The following THOC1 variants were observed in gnomAD, a reference collection of about 807,000 sequenced individuals.
THOC1 encodes THO complex subunit 1.
THOC1 carries 29 observed loss-of-function variants against 97.3 expected under a neutral mutation model. The ratio of observed to expected loss-of-function variants is 0.30; its 90% CI spans 0.22 to 0.41. THOC1 has a LOEUF of 0.41. THOC1 is among the 10% of genes least tolerant of loss of function. THOC1 has a pLI of 1.00. For synonymous variants in THOC1, 255 were observed against 257.0 expected (o/e 0.99, Z 0.07); for missense variants, 529 against 761.9 (o/e 0.69, Z 3.60).
intron 11 of THOC1, among the ~76,000 whole-genome samples, chr18:232,385 C>T (rs1783535095): frequency 2.0e-5 from 3 of 152,042 alleles, no homozygotes; most frequent in Admixed American, 6.6e-5. Context: ...GCCACTGCAC[C>T]TGGCCCAATA....
At chr18:235,356 G>A (rs1911643474) in intron 11 of THOC1, among the ~76,000 whole-genome samples, 1 of 151,942 alleles carries the variant, frequency 6.6e-6, no homozygotes, top group Non-Finnish European at 1.5e-5. Context: ...TCACTAAGTT[G>A]TGCTATTATT....
At chr18:248,286 A>G (rs1288217974) in intron 9 of THOC1, among the ~76,000 whole-genome samples, 2 of 152,206 alleles carry the variant, frequency 1.3e-5, no homozygotes, top group Non-Finnish European at 2.9e-5. Flanking sequence ...AGCGGAAGTC[A>G]TATGTGCAAC....
chr18:253,641 T>G (rs1912348895), intron 8 of THOC1, among the ~76,000 whole-genome samples: 1 of 152,146 alleles, frequency 6.6e-6, no homozygotes, highest in Admixed American at 6.5e-5. Flanking sequence ...TAACCCAATG[T>G]TTAAAACAGA....
chr18:236,541 T>C (rs1038018332), intron 11 of THOC1, among the ~76,000 whole-genome samples: 4 of 151,810 alleles, frequency 2.6e-5, no homozygotes, highest in Middle Eastern at 3.4e-3. Flanking sequence ...TTTTTTGTAT[T>C]TTTAGTAGAG....
chr18:267,014 T>C (rs555016582), intron 1 of THOC1, among the ~76,000 whole-genome samples: 1,865 of 69,700 alleles, frequency 0.027, 40 homozygotes, highest in African/African-American at 0.079. Context: ...TATACGTATA[T>C]ATATGTATAT....
chr18:255,398 CA>C (rs1912405827), intron 7 of THOC1, among the ~76,000 whole-genome samples: 1 of 152,244 alleles, frequency 6.6e-6, no homozygotes, highest in East Asian at 1.9e-4. Context: ...GATAAGAAAG[CA>C]AAACAGCCTT....
At chr18:233,632 A>G (rs979518635) in intron 11 of THOC1, among the ~76,000 whole-genome samples, 1 of 152,186 alleles carries the variant, frequency 6.6e-6, no homozygotes, top group African/African-American at 2.4e-5. Context: ...ACTAGTTTAT[A>G]ATGCAATCTT....
chr18:242,392 C>G lies in THOC1; in HGVS notation c.918+3932G>C, dbSNP rs1378483601. 6.6e-6 allele frequency among the ~76,000 whole-genome samples: 1 copy of G among 151,092 alleles called. No individual in the cohort carries two copies. ...ACTTGGGAGGCTGAGGCACGAGAAT[C>G]GCTTGAACCCAGGAGGTGGAAGTTA... On this transcript the variant is annotated intron_variant, in intron 11 of 20. Coordinates refer to ENST00000261600, the MANE Select transcript of THOC1 (RefSeq NM_005131.3). The surrounding 1 kb of genome is among the most constrained non-coding windows in gnomAD (Gnocchi z 4.5).
chr18:246,647 T>C (rs1912098588), intron 10 of THOC1, among the ~76,000 whole-genome samples, 192 bp from the exon 11 acceptor site: 2 of 152,114 alleles, frequency 1.3e-5, no homozygotes, highest in Non-Finnish European at 2.9e-5. Context: ...TTTCACTTGT[T>C]GCAAAAGTAG....
chr18:220,079 T>C (rs1598286880), intron 17 of THOC1, among the ~76,000 whole-genome samples: 1 of 152,210 alleles, frequency 6.6e-6, no homozygotes, highest in Non-Finnish European at 1.5e-5. Flanking sequence ...CATTTTCTAA[T>C]GCTACAGATA....
rs754814035 is a variant in THOC1 at position 214,889 on chromosome 18, C to G, written c.1711G>C (p.Gly571Arg). 2.5e-6 allele frequency: 4 copies of G among 1,613,914 alleles called. No individual in the cohort carries two copies. In the South Asian group the frequency reaches 4.4e-5, roughly 18 times the overall value. The change falls in exon 21 of 21, where the codon GGA becomes CGA. Residue 571 changes from glycine to arginine, a missense_variant. By Grantham distance (125) the Gly-to-Arg change is moderately radical (BLOSUM62 -2). This residue lies in a region of THOC1 where 98 missense variants were observed against 111.9 expected (regional missense o/e 0.88). Transcript: ENST00000261600. ...TTGGCAAATACCTCTATTTGTTCTC[C>G]TGTTACAGGTTTGTCTCGCCGAACA... ...PDVRRDKPVT[G>R]EQIEVFANKL...
At chr18:264,685 T>C (rs911823860) in intron 3 of THOC1, among the ~76,000 whole-genome samples, 5 of 152,236 alleles carry the variant, frequency 3.3e-5, no homozygotes, top group African/African-American at 4.8e-5. Flanking sequence ...AAGAATCATT[T>C]TTTAATCAGA....
intron 17 of THOC1, among the ~76,000 whole-genome samples, chr18:221,888 A>G (rs138532724): frequency 2.9e-3 from 445 of 152,254 alleles, no homozygotes; most frequent in South Asian, 7.3e-3. Flanking sequence ...GATTACAGGT[A>G]TGAGCCACCG....
intron 10 of THOC1, among the ~76,000 whole-genome samples, chr18:246,929 A>AG (rs1912113573): frequency 6.6e-6 from 1 of 151,980 alleles, no homozygotes; most frequent in African/African-American, 2.4e-5. Flanking sequence ...AAAAAAAAAA[A>AG]AAAAAAACGA....
At chr18:247,210 AAC>A (rs1567852703) in intron 10 of THOC1, among the ~76,000 whole-genome samples, 2 of 152,246 alleles carry the variant, frequency 1.3e-5, no homozygotes, top group African/African-American at 4.8e-5. Flanking sequence ...AAAATAACAT[AAC>A]ACACACCATG....
At chr18:262,211 C>T (rs955485211) in intron 4 of THOC1, among the ~76,000 whole-genome samples, 1 of 152,222 alleles carries the variant, frequency 6.6e-6, no homozygotes, top group Non-Finnish European at 1.5e-5. Flanking sequence ...TTGAAGCACA[C>T]TCTACATAAA....
intron 17 of THOC1, among the ~76,000 whole-genome samples, chr18:220,095 T>C (rs1911026091): frequency 6.6e-6 from 1 of 152,162 alleles, no homozygotes; most frequent in African/African-American, 2.4e-5. Context: ...AGATACTATA[T>C]TCCATTTTAT....
chr18:219,024 C>T, intron 17 of THOC1, 55 bp from the exon 18 acceptor site: 8 of 618,514 alleles, frequency 1.3e-5, no homozygotes, highest in Non-Finnish European at 1.7e-5. Context: ...ATAATAAATA[C>T]TCATGAAGTG....
In THOC1 at chr18:242,648, T is replaced by C. The variant is rs150451848; in HGVS notation, c.918+3676A>G. ...CTAAACCTGCTCACCAGTGAAATGATAGGCTAAAGAGTTATGCTCCAAATA... is the reference window on the plus strand; with the variant it reads ...CTAAACCTGCTCACCAGTGAAATGACAGGCTAAAGAGTTATGCTCCAAATA... On this transcript the variant is annotated intron_variant, in intron 11 of 20. Transcript: ENST00000261600. This position sits in a 1 kb window ranked among gnomAD's most constrained non-coding sequence, Gnocchi z 4.5. Among the ~76,000 whole-genome samples the C allele has an allele frequency of 5.3e-5, 8 of 152,302 alleles. No homozygotes were observed. The highest frequency in any genetic ancestry group is 1.7e-4 in the African/African-American group (7 of 41,564).
Sources: allele counts gnomAD v4.1 joint callset (sites outside exome capture counted in the v4.1 genomes callset), GRCh38; gene constraint gnomAD v4.1.1; regional missense constraint gnomAD v4.1.1; non-coding constraint Gnocchi (gnomAD v3.1); transcripts MANE v1.5; gene names NCBI Gene and HGNC (gene_info 2026-07-23, HGNC 2026-07-21).